UGT1A7: variants seen among roughly 807,000 people sequenced by gnomAD.
The protein encoded by UGT1A7 is UDP-glucuronosyltransferase 1A7.
Under a neutral mutation model 45.6 loss-of-function variants are expected in UGT1A7, and 33 were observed. That is an observed-to-expected ratio of 0.72 (90% CI 0.55 to 0.97). UGT1A7 has a LOEUF of 0.97. UGT1A7 is among the 50% of genes least tolerant of loss of function. UGT1A7 has a pLI of 0.00. For synonymous variants in UGT1A7, 274 were observed against 250.6 expected (o/e 1.09, Z -0.88); for missense variants, 684 against 666.2 (o/e 1.03, Z -0.29).
intron 1 of UGT1A7, chr2:233,747,465 A>G: frequency 6.2e-7 from 1 of 1,608,768 alleles, no homozygotes; most frequent in African/African-American, 1.3e-5. Context: ...CATTTCATGG[A>G]CCCAGGATGA....
intron 1 of UGT1A7, among the ~76,000 whole-genome samples, chr2:233,737,048 T>C (rs764914717): frequency 2.0e-5 from 3 of 152,226 alleles, no homozygotes; most frequent in Admixed American, 6.5e-5. Flanking sequence ...AATGCCATAC[T>C]AGGAGAACGA....
chr2:233,741,535 C>T (rs1191111579), intron 1 of UGT1A7: 1 of 151,874 alleles, frequency 6.6e-6, no homozygotes, highest in East Asian at 1.9e-4. Context: ...CTGTCTTATT[C>T]TGATACTTCT....
At chr2:233,740,213 C>T (rs984335401) in intron 1 of UGT1A7, among the ~76,000 whole-genome samples, 14 of 151,922 alleles carry the variant, frequency 9.2e-5, no homozygotes, top group Middle Eastern at 3.4e-3. Flanking sequence ...TACCCAGTCT[C>T]AGCTGCGTCT....
At chr2:233,697,489 C>T (rs1191333347) in intron 1 of UGT1A7, among the ~76,000 whole-genome samples, 1 of 150,104 alleles carries the variant, frequency 6.7e-6, no homozygotes, top group Admixed American at 6.6e-5. Context: ...CAAGGTTTGC[C>T]AATTTTGTTT....
intron 1 of UGT1A7, chr2:233,721,974 C>G (rs1194611590): frequency 3.7e-5 from 10 of 270,972 alleles, no homozygotes; most frequent in Non-Finnish European, 7.4e-5. Context: ...CATTGATGGC[C>G]TGGGTAGTTT....
chr2:233,722,017 A>G (rs2125685673), intron 1 of UGT1A7: 1 of 254,974 alleles, frequency 3.9e-6, no homozygotes, highest in Non-Finnish European at 7.8e-6. Context: ...AGGAAAACTG[A>G]AACCTCTTGA....
chr2:233,718,037 G>C (rs1268815456), intron 1 of UGT1A7: 1 of 377,926 alleles, frequency 2.6e-6, no homozygotes, highest in Non-Finnish European at 5.2e-6. Context: ...CCTTTGGTGA[G>C]CAGGAGCTCC....
At chr2:233,683,341 G>A (rs4663888) in intron 1 of UGT1A7, among the ~76,000 whole-genome samples, 93,418 of 151,982 alleles carry the variant, frequency 0.61, 28,967 homozygotes, top group South Asian at 0.65. Flanking sequence ...TAATTGCATG[G>A]TAGTCTTTAC....
intron 1 of UGT1A7, among the ~76,000 whole-genome samples, chr2:233,685,353 A>C (rs1228516617): frequency 6.6e-6 from 1 of 152,132 alleles, no homozygotes; most frequent in Non-Finnish European, 1.5e-5. Flanking sequence ...TTTAATGAGA[A>C]AAAAAGAAAA....
rs538309349 is a variant in UGT1A7, at chr2:233,711,882, A to G, written c.855+29090A>G. Among the ~76,000 whole-genome samples the G allele has an allele frequency of 1.2e-3, 185 of 152,230 alleles. 1 individual carries two copies. The highest frequency in any genetic ancestry group is 2.4e-3 in the Non-Finnish European group (166 of 68,038). ...AGTATGAGTGACTTTCTGGAGCAGG[A>G]CGAGTCTCATGGGCGTGAGACCATT... On this transcript the variant is annotated intron_variant, in intron 1 of 4. Coordinates refer to ENST00000373426, the MANE Select transcript of UGT1A7 (RefSeq NM_019077.3).
chr2:233,766,902 T>C, intron 1 of UGT1A7, 132 bp from the exon 2 acceptor site: 1 of 1,493,390 alleles, frequency 6.7e-7, no homozygotes, highest in Non-Finnish European at 8.9e-7. Flanking sequence ...ATTAATAATT[T>C]TTTACTCTAT....
At chr2:233,747,331 C>T in intron 1 of UGT1A7, 1 of 1,603,324 alleles carries the variant, frequency 6.2e-7, no homozygotes. Flanking sequence ...TGATGGCAGC[C>T]ACTGGCTCGC....
chr2:233,757,314 T>A (rs1406248640), intron 1 of UGT1A7, among the ~76,000 whole-genome samples: 1 of 20,476 alleles, frequency 4.9e-5, no homozygotes, highest in Non-Finnish European at 9.0e-5. Flanking sequence ...ACAGGGGGGC[T>A]GGGGCCCTGA....
chr2:233,722,502 G>A (rs773612729), intron 1 of UGT1A7, among the ~76,000 whole-genome samples: 5 of 152,056 alleles, frequency 3.3e-5, no homozygotes, highest in African/African-American at 9.7e-5. Context: ...TTTCCGTTTC[G>A]TTAATTGCAG....
At chr2:233,724,493 G>A (rs1411892457) in intron 1 of UGT1A7, among the ~76,000 whole-genome samples, 16 of 76,170 alleles carry the variant, frequency 2.1e-4, no homozygotes, top group South Asian at 6.4e-4. Flanking sequence ...CGGGGCGGCC[G>A]GGCAGAGACG....
intron 1 of UGT1A7, among the ~76,000 whole-genome samples, chr2:233,757,535 AATATATAT>A (rs67292694): frequency 0.018 from 1,589 of 88,318 alleles, 155 homozygotes; most frequent in African/African-American, 0.076. Flanking sequence ...GCCTGTAAGG[AATATATAT>A]ATATATATAT....
At chr2:233,768,114 G>A (rs763965900) in intron 3 of UGT1A7, 106 bp from the exon 4 acceptor site, 19 of 1,597,766 alleles carry the variant, frequency 1.2e-5, no homozygotes, top group Non-Finnish European at 1.6e-5. Flanking sequence ...TTCTGCAAGG[G>A]CATGTGAGTA....
intron 1 of UGT1A7, chr2:233,719,203 G>T (rs145806554): frequency 2.5e-6 from 4 of 1,614,124 alleles, no homozygotes; most frequent in Admixed American, 3.3e-5. Flanking sequence ...CATAGGTGTT[G>T]TGTGGAGCTA....
rs780825518 is a variant in UGT1A7 at position 233,682,195 on chromosome 2, G to C, written c.258G>C (p.Gln86His). 4 of 1,614,214 alleles carry C rather than the reference G, an allele frequency of 2.5e-6. No homozygotes were observed. In the South Asian group the frequency reaches 3.3e-5, roughly 13 times the overall value. Residue 86 changes from glutamine (Q) to histidine (H), a missense_variant, in exon 1 of 5, where the codon CAG (glutamine) becomes CAC (histidine). Physicochemically the swap from Gln to His is conservative, Grantham distance 24. Transcript: ENST00000373426. Reference protein sequence around the residue: ...TYSTSYTLEDQDREFMVFADA... With the variant: ...TYSTSYTLEDHDREFMVFADA... ...CAACCTCATACACTCTGGAGGATCA[G>C]GACCGGGAGTTCATGGTTTTTGCCG...
Sources: gnomAD v4.1 joint callset for allele counts (sites outside exome capture counted in the v4.1 genomes callset) on GRCh38, gnomAD v4.1.1 for gene constraint, MANE v1.5 for transcripts, NCBI Gene and HGNC (gene_info 2026-07-23, HGNC 2026-07-21) for gene names.